CCNJ: variants seen among roughly 807,000 people sequenced by gnomAD.
CCNJ encodes cyclin J.
A neutral mutation model predicts 41.4 loss-of-function variants in CCNJ; 12 were observed. That is an observed-to-expected ratio of 0.29 (90% CI 0.19 to 0.47). CCNJ has a LOEUF of 0.47. CCNJ is among the 20% of genes least tolerant of loss of function. CCNJ has a pLI of 1.00. For synonymous variants in CCNJ, 161 were observed against 173.4 expected, an observed-to-expected ratio of 0.93 and a Z score of 0.56; for missense variants, 340 against 464.6, an observed-to-expected ratio of 0.73 and a Z score of 2.47.
chr10:96,043,544 C>A (rs2080270528), upstream of CCNJ: 1 of 394,316 alleles, frequency 2.5e-6, no homozygotes, highest in South Asian at 1.3e-4. Flanking sequence ...CAAGTGCCCC[C>A]GCGCTGGCTT....
In CCNJ at chr10:96,043,618, C is replaced by T; in HGVS notation, c.-143C>T. 1 of 395,252 alleles carries T rather than the reference C, an allele frequency of 2.5e-6. No homozygotes were observed. The highest frequency in any genetic ancestry group is 4.5e-6 in the Non-Finnish European group (1 of 223,808). The allele number at this position is 395,252 out of a possible 1,614,324, so 24.5% of individuals were successfully genotyped here. A position where few individuals can be genotyped will look rare whatever the true frequency, so the allele number is the denominator to read the frequency against. ...GGCGCGAGCGTCCAGGCGCTGGGCT[C>T]TAGCTGAGGCCGGCGCTTAGCGGCC... On this transcript the variant is annotated 5_prime_UTR_variant, in exon 1 of 6. Transcript: ENST00000465148.
chr10:96,050,574 C>G, intron 3 of CCNJ, 108 bp downstream of exon 3: 2 of 773,004 alleles, frequency 2.6e-6, no homozygotes. Flanking sequence ...CATTCCAGTT[C>G]ACTAGTATCA....
In CCNJ at chr10:96,058,008, GAAC is replaced by G; in HGVS notation, c.923_925del (p.Gln308del). 1 of 1,614,116 alleles carries G rather than the reference GAAC, an allele frequency of 6.2e-7. No individual in the cohort carries two copies. On this transcript the variant is annotated inframe_deletion, in exon 6 of 6. Coordinates refer to ENST00000465148, the MANE Select transcript of CCNJ (RefSeq NM_001134375.2). Reference sequence around the variant, plus strand: ...ACTGCAGTATCGCCATCCTACGTCAGAACAACCAAGCTGTCAGCAGATTGTATC... The same window carrying G: ...ACTGCAGTATCGCCATCCTACGTCAGAACCAAGCTGTCAGCAGATTGTATC...
intron 2 of CCNJ, among the ~76,000 whole-genome samples, chr10:96,045,044 C>T (rs1210180335): frequency 6.6e-6 from 1 of 152,198 alleles, no homozygotes; most frequent in African/African-American, 2.4e-5. Context: ...TTATCACTTA[C>T]CCCTCAGGAT....
rs1460789110 is a variant in CCNJ at position 96,059,930 on chromosome 10, T to C, written c.*1689T>C. 1 of 152,636 alleles carries C rather than the reference T, an allele frequency of 6.6e-6. No homozygotes were observed. The highest frequency in any genetic ancestry group is 2.4e-5 in the African/African-American group (1 of 41,440). The allele number at this position is 152,636 out of a possible 1,614,324, so 9.5% of individuals were successfully genotyped here. A position where few individuals can be genotyped will look rare whatever the true frequency, so the allele number is the denominator to read the frequency against. On this transcript the variant is annotated 3_prime_UTR_variant, in exon 6 of 6. Coordinates refer to ENST00000465148, the MANE Select transcript of CCNJ (RefSeq NM_001134375.2). ...TTCCTTAAAAAGAAAATAACTTTTATATTTAGAGTACATAGGGCATGATGT... is the reference window on the plus strand; with the variant it reads ...TTCCTTAAAAAGAAAATAACTTTTACATTTAGAGTACATAGGGCATGATGT...
intron 3 of CCNJ, 39 bp from the exon 4 acceptor site, chr10:96,056,662 T>A: frequency 6.8e-7 from 1 of 1,466,970 alleles, no homozygotes; most frequent in Non-Finnish European, 9.3e-7. Flanking sequence ...ATCACTTGCC[T>A]GACATTTTCT....
intron 2 of CCNJ, among the ~76,000 whole-genome samples, chr10:96,046,579 C>G (rs974619513): frequency 5.3e-5 from 8 of 152,200 alleles, no homozygotes; most frequent in Non-Finnish European, 8.8e-5. Flanking sequence ...CCTTCATAGT[C>G]TAACCTTATC....
Position 96,059,980 on chromosome 10 carries a change from A to AT in CCNJ, c.*1740dup, listed in dbSNP as rs1266927281. Reference sequence around the variant, plus strand: ...TGGATTTATTAGTCTGGTAGATAAAATGAAAAACCACTCAGGTAAGAACAC... The same window carrying AT: ...TGGATTTATTAGTCTGGTAGATAAAATTGAAAAACCACTCAGGTAAGAACAC... On this transcript the variant is annotated 3_prime_UTR_variant, in exon 6 of 6. Coordinates refer to ENST00000465148, the MANE Select transcript of CCNJ (RefSeq NM_001134375.2). 2.0e-5 allele frequency: 3 copies of AT among 152,662 alleles called. No individual in the cohort carries two copies. The highest frequency in any genetic ancestry group is 6.5e-5 in the Admixed American group (1 of 15,288). The allele number at this position is 152,662 out of a possible 1,614,324, so 9.5% of individuals were successfully genotyped here. A position where few individuals can be genotyped will look rare whatever the true frequency, so the allele number is the denominator to read the frequency against.
rs1216809129 is a variant in CCNJ at position 96,060,770 on chromosome 10, A to C, written c.*2529A>C. The C allele has an allele frequency of 6.6e-6, 1 of 152,654 alleles. No homozygotes were observed. The highest frequency in any genetic ancestry group is 2.4e-5 in the African/African-American group (1 of 41,470). The allele number at this position is 152,654 out of a possible 1,614,324, so 9.5% of individuals were successfully genotyped here. ...CAAACCAAAATGTATCTGTGTTACG[A>C]CATTAATTGCAAATAGCAAGTATGG... is the stretch of plus-strand genomic sequence containing the variant. On this transcript the variant is annotated 3_prime_UTR_variant, in exon 6 of 6. Coordinates refer to ENST00000465148, the MANE Select transcript of CCNJ (RefSeq NM_001134375.2).
At chr10:96,045,278 A>G (rs557574183) in intron 2 of CCNJ, among the ~76,000 whole-genome samples, 2 of 152,354 alleles carry the variant, frequency 1.3e-5, no homozygotes, top group Non-Finnish European at 2.9e-5. Context: ...ACCAGATCCA[A>G]AATGATCTCT....
Position 96,060,110 on chromosome 10 carries a change from G to A in CCNJ, c.*1869G>A, listed in dbSNP as rs1348463712. 2.6e-5 allele frequency: 4 copies of A among 152,540 alleles called. No homozygotes were observed. The highest frequency in any genetic ancestry group is 4.4e-5 in the Non-Finnish European group (3 of 68,024). The allele number at this position is 152,540 out of a possible 1,614,324, so 9.4% of individuals were successfully genotyped here. A position where few individuals can be genotyped will look rare whatever the true frequency, so the allele number is the denominator to read the frequency against. ...TGGATTTTGGTAGTTCTTACCTCAA[G>A]AAAACTTGAATTATTTGGGGGAAAG... On this transcript the variant is annotated 3_prime_UTR_variant, in exon 6 of 6. Coordinates refer to ENST00000465148, the MANE Select transcript of CCNJ (RefSeq NM_001134375.2).
intron 2 of CCNJ, among the ~76,000 whole-genome samples, chr10:96,045,661 T>C (rs2080341925): frequency 6.6e-6 from 1 of 151,650 alleles, no homozygotes; most frequent in East Asian, 1.9e-4. Context: ...TCTTGGAAAA[T>C]TGTCCAGATA....
In CCNJ at chr10:96,057,860, C is replaced by CA; in HGVS notation, c.774dup (p.Gln259ThrfsTer77). ...ATGATAATGATGTGAAAGAAGCAAA[C>CA]AAACAGAGAGGGCAAGCAGGACCTC... On this transcript the variant is annotated frameshift_variant, in exon 6 of 6. Coordinates refer to ENST00000465148, the MANE Select transcript of CCNJ (RefSeq NM_001134375.2). LOFTEE classifies it high-confidence loss of function. The CA allele has an allele frequency of 6.2e-7, 1 of 1,614,030 alleles. No individual in the cohort carries two copies. The highest frequency in any genetic ancestry group is 8.5e-7 in the Non-Finnish European group (1 of 1,179,958).
Position 96,057,561 on chromosome 10 carries a change from C to A in CCNJ, c.741-269C>A, listed in dbSNP as rs141260702. 7.8e-3 allele frequency among the ~76,000 whole-genome samples: 1,195 copies of A among 152,290 alleles called. 16 individuals carry two copies. Among genetic ancestry groups the A allele is most frequent in the African/African-American group, 0.026 (1,076 of 41,564 alleles). On this transcript the variant is annotated intron_variant, in intron 5 of 5. Coordinates refer to ENST00000465148, the MANE Select transcript of CCNJ (RefSeq NM_001134375.2). ...AATTTTGGGGGCCACCAGGATGTTA[C>A]CAAATTGGCAGCCACACTTACGTGC...
At position 96,058,237 on chromosome 10, in the gene CCNJ, G is replaced by A. The variant is rs1393012634; in HGVS notation, c.1148G>A (p.Arg383Lys). 5 of 1,609,356 alleles carry A rather than the reference G, an allele frequency of 3.1e-6. No individual in the cohort carries two copies. Among genetic ancestry groups the A allele is most frequent in the East Asian group, 4.5e-5 (2 of 44,814 alleles). The change falls in exon 6 of 6, where the codon AGG becomes AAG. Residue 383 changes from arginine to lysine, a missense_variant. Coordinates refer to ENST00000465148, the MANE Select transcript of CCNJ (RefSeq NM_001134375.2). ...HYPCITPCFE[R>K] is the part of the protein sequence containing the mutation. Reference sequence around the variant, plus strand: ...CCTTGTATTACTCCATGTTTTGAAAGGTGATTATTTGTGAAGCTGATAACC... The same window carrying A: ...CCTTGTATTACTCCATGTTTTGAAAAGTGATTATTTGTGAAGCTGATAACC...
chr10:96,048,077 T>C (rs1204503717), intron 2 of CCNJ, among the ~76,000 whole-genome samples: 3 of 152,216 alleles, frequency 2.0e-5, no homozygotes, highest in Non-Finnish European at 2.9e-5. Flanking sequence ...CTAAGGATAA[T>C]GGCCTCCAGC....
At chr10:96,047,666 C>A (rs1178620152) in intron 2 of CCNJ, among the ~76,000 whole-genome samples, 1 of 152,206 alleles carries the variant, frequency 6.6e-6, no homozygotes. Flanking sequence ...TCTTTGGCTA[C>A]ACTACTAAAT....
chr10:96,056,849 C>G lies in CCNJ; in HGVS notation c.429C>G (p.Cys143Trp). The G allele has an allele frequency of 6.2e-7, 1 of 1,614,166 alleles. No individual in the cohort carries two copies. Among genetic ancestry groups the G allele is most frequent in the Non-Finnish European group, 8.5e-7 (1 of 1,180,020 alleles). Residue 143 changes from cysteine to tryptophan, a missense_variant, in exon 4 of 6, where the codon TGC becomes TGG. Around this residue, in one of 3 missense-constraint regions of CCNJ, gnomAD observed 137 missense variants for 252.9 expected, o/e 0.54. Coordinates refer to ENST00000465148, the MANE Select transcript of CCNJ (RefSeq NM_001134375.2). ...TAGAAACCTTTCAGTGGAACCTCTG[C>G]CTTCCAACAGCCGCCCATTTCATTG... ...LLLETFQWNL[C>W]LPTAAHFIEY... is the part of the protein sequence containing the mutation.
chr10:96,044,468 T>C lies in CCNJ; in HGVS notation c.69+6T>C, dbSNP rs1376769065. ...ACCAAGCGCTTCGCTACAAGGTAAC[T>C]CCGAGGCCCGGCCTGCCTTCTCCTT... On this transcript the variant is annotated splice_donor_region_variant and intron_variant, in intron 2 of 5. Coordinates refer to ENST00000465148, the MANE Select transcript of CCNJ (RefSeq NM_001134375.2). The C allele has an allele frequency of 2.0e-6, 3 of 1,530,050 alleles. No individual in the cohort carries two copies. The highest frequency in any genetic ancestry group is 2.7e-6 in the Non-Finnish European group (3 of 1,131,416). The allele number at this position is 1,530,050 out of a possible 1,614,324, so 94.8% of individuals were successfully genotyped here. A position where few individuals can be genotyped will look rare whatever the true frequency, so the allele number is the denominator to read the frequency against.
Sources: allele counts gnomAD v4.1 joint callset (sites outside exome capture counted in the v4.1 genomes callset), GRCh38; gene constraint gnomAD v4.1.1; regional missense constraint gnomAD v4.1.1; transcripts MANE v1.5; gene names NCBI Gene and HGNC (gene_info 2026-07-23, HGNC 2026-07-21).